OVOL2: variants seen among roughly 807,000 people sequenced by gnomAD.
OVOL2 encodes ovo like zinc finger 2, also known as transcription factor Ovo-like 2.
Under a neutral mutation model 18.1 loss-of-function variants are expected in OVOL2, and 13 were observed. That is an observed-to-expected ratio of 0.72 (90% CI 0.47 to 1.14). OVOL2 has a LOEUF of 1.14. OVOL2 is among the 50% of genes most tolerant of loss of function. The pLI is 0.00. For synonymous variants in OVOL2, 166 were observed against 162.7 expected (o/e 1.02, Z -0.16); for missense variants, 335 against 383.0 (o/e 0.87, Z 1.05).
At chr20:18,058,044 G>C (rs371319876), upstream of OVOL2, among the ~76,000 whole-genome samples, 163 of 152,320 alleles carry the variant, frequency 1.1e-3, 6 homozygotes, top group South Asian at 0.033. Context: ...AGAATTTAAA[G>C]TCTGTTCTTC....
chr20:18,046,955 A>C (rs887071955), intron 2 of OVOL2, among the ~76,000 whole-genome samples: 21 of 152,166 alleles, frequency 1.4e-4, no homozygotes, highest in Admixed American at 3.9e-4. Context: ...AAAAAAAAAA[A>C]AACCTAGATC....
chr20:18,048,670 G>T (rs2036745328), intron 2 of OVOL2, among the ~76,000 whole-genome samples: 1 of 152,306 alleles, frequency 6.6e-6, no homozygotes, highest in Admixed American at 6.5e-5. Flanking sequence ...TAGCACCACT[G>T]CATTCCAGCC....
chr20:18,040,266 T>C (rs2036656896), intron 3 of OVOL2, among the ~76,000 whole-genome samples: 1 of 152,046 alleles, frequency 6.6e-6, no homozygotes, highest in African/African-American at 2.4e-5. Flanking sequence ...GGGTGGGTGG[T>C]AACCTGGATA....
chr20:18,048,145 G>C (rs919941478), intron 2 of OVOL2, among the ~76,000 whole-genome samples: 28 of 151,692 alleles, frequency 1.8e-4, no homozygotes, highest in African/African-American at 6.5e-4. Flanking sequence ...AAATTAGCCA[G>C]TTGTGGTGGT....
intron 2 of OVOL2, among the ~76,000 whole-genome samples, chr20:18,045,893 A>T (rs548109713): frequency 6.6e-6 from 1 of 152,254 alleles, no homozygotes; most frequent in East Asian, 1.9e-4. Context: ...GCAAAAATGG[A>T]AATTCTCCAC....
chr20:18,033,611 C>T (rs928037387), intron 3 of OVOL2, among the ~76,000 whole-genome samples: 4 of 152,120 alleles, frequency 2.6e-5, no homozygotes, highest in African/African-American at 4.8e-5. Context: ...TCCATAAACG[C>T]GGGACTTAAA....
At position 18,056,912 on chromosome 20, in the gene OVOL2, C is replaced by T; in HGVS notation, c.101-35G>A. 1 of 1,467,858 alleles carries T rather than the reference C, an allele frequency of 6.8e-7. No individual in the cohort carries two copies. Among genetic ancestry groups the T allele is most frequent in the Non-Finnish European group, 8.9e-7 (1 of 1,118,004 alleles). The allele number at this position is 1,467,858 out of a possible 1,614,324, so 90.9% of individuals were successfully genotyped here. A position where few individuals can be genotyped will look rare whatever the true frequency, so the allele number is the denominator to read the frequency against. ...GAGGGGCCGCGCCCCGACACACACA[C>T]TCGGCGTCAACCCGCACGCCCGCGG... On this transcript the variant is annotated intron_variant, in intron 1 of 3. Coordinates refer to ENST00000278780, the MANE Select transcript of OVOL2 (RefSeq NM_021220.4). The surrounding 1 kb of genome is among the most constrained non-coding windows in gnomAD (Gnocchi z 4.2).
chr20:18,024,175 A>G lies in OVOL2; in HGVS notation c.*461T>C, dbSNP rs572042177. On this transcript the variant is annotated 3_prime_UTR_variant, in exon 4 of 4. Coordinates refer to ENST00000278780, the MANE Select transcript of OVOL2 (RefSeq NM_021220.4). ...GGTCAATGTTCCATTTTGCTTTTAA[A>G]AGCTTCACAAGAACATTTCATTTAT... 1 of 159,934 alleles carries G rather than the reference A, an allele frequency of 6.3e-6. No homozygotes were observed. The highest frequency in any genetic ancestry group is 2.4e-5 in the African/African-American group (1 of 41,676). The allele number at this position is 159,934 out of a possible 1,614,324, so 9.9% of individuals were successfully genotyped here. A position where few individuals can be genotyped will look rare whatever the true frequency, so the allele number is the denominator to read the frequency against.
intron 2 of OVOL2, among the ~76,000 whole-genome samples, chr20:18,054,244 T>C (rs559032079): frequency 6.6e-6 from 1 of 152,290 alleles, no homozygotes; most frequent in Admixed American, 6.5e-5. Flanking sequence ...TTGCTCAAGG[T>C]CCACAGCTAA....
At chr20:18,028,134 A>G (rs1404298931) in intron 3 of OVOL2, among the ~76,000 whole-genome samples, 1 of 152,086 alleles carries the variant, frequency 6.6e-6, no homozygotes, top group Non-Finnish European at 1.5e-5. Context: ...GCACTAGGTC[A>G]GGGGCTGGGA....
intron 3 of OVOL2, among the ~76,000 whole-genome samples, chr20:18,039,610 A>C (rs1314360490): frequency 7.0e-6 from 1 of 143,808 alleles, no homozygotes; most frequent in Non-Finnish European, 1.5e-5. Context: ...GCTGTCTCAA[A>C]AAAAAAAAAA....
At chr20:18,057,986 G>T, upstream of OVOL2, 1 of 680,616 alleles carries the variant, frequency 1.5e-6, no homozygotes, top group Non-Finnish European at 1.9e-6. The surrounding 1 kb of genome is among the most constrained non-coding windows in gnomAD (Gnocchi z 6.3). Context: ...GGTTCCGGCG[G>T]CCGGGGCTGC....
intron 2 of OVOL2, among the ~76,000 whole-genome samples, chr20:18,047,596 G>A (rs2036734060): frequency 6.7e-6 from 1 of 148,560 alleles, no homozygotes; most frequent in Non-Finnish European, 1.5e-5. Context: ...GCTCACACCT[G>A]TAATCCTAGT....
At chr20:18,041,471 A>C in intron 3 of OVOL2, 63 bp downstream of exon 3, 1 of 1,547,368 alleles carries the variant, frequency 6.5e-7, no homozygotes, top group Non-Finnish European at 8.8e-7. Context: ...TTTGGTGGGA[A>C]AGAAACAGGA....
intron 3 of OVOL2, among the ~76,000 whole-genome samples, chr20:18,036,484 C>G (rs1277601194): frequency 1.3e-5 from 2 of 152,162 alleles, no homozygotes; most frequent in African/African-American, 4.8e-5. Context: ...TCACTCCTAG[C>G]TGCCTCCTAA....
chr20:18,047,088 G>T (rs1270806528), intron 2 of OVOL2, among the ~76,000 whole-genome samples: 2 of 152,210 alleles, frequency 1.3e-5, no homozygotes, highest in Non-Finnish European at 2.9e-5. Context: ...AGCAGGGTCT[G>T]TTTTCCAGTT....
In OVOL2 at chr20:18,024,622, C is replaced by A; in HGVS notation, c.*14G>T. 1 of 1,569,608 alleles carries A rather than the reference C, an allele frequency of 6.4e-7. No homozygotes were observed. Among genetic ancestry groups the A allele is most frequent in the Non-Finnish European group, 8.7e-7 (1 of 1,154,532 alleles). On this transcript the variant is annotated 3_prime_UTR_variant, in exon 4 of 4. Coordinates refer to ENST00000278780, the MANE Select transcript of OVOL2 (RefSeq NM_021220.4). ...ACGTGGCAGTGTGAACGTCTGTCCT[C>A]CCCTTCCTTCTCCTCACTTCCTCTC...
intron 3 of OVOL2, among the ~76,000 whole-genome samples, chr20:18,025,920 C>A (rs1344935633): frequency 6.6e-6 from 1 of 152,274 alleles, no homozygotes; most frequent in Admixed American, 6.5e-5. Context: ...CAGCAGGGAA[C>A]CCCTCAGGCA....
At chr20:18,037,340 G>T (rs1452079848) in intron 3 of OVOL2, among the ~76,000 whole-genome samples, 1 of 152,190 alleles carries the variant, frequency 6.6e-6, no homozygotes, top group Non-Finnish European at 1.5e-5. Context: ...CCTGAGCCTG[G>T]TTTCCTCCTC....
Sources: gnomAD v4.1 joint callset for allele counts (sites outside exome capture counted in the v4.1 genomes callset) on GRCh38, gnomAD v4.1.1 for gene constraint, Gnocchi (gnomAD v3.1) non-coding constraint, MANE v1.5 for transcripts, NCBI Gene and HGNC (gene_info 2026-07-23, HGNC 2026-07-21) for gene names.